The following EFNA5 variants were observed in gnomAD, a reference collection of about 807,000 sequenced individuals.
EFNA5 encodes the protein ephrin A5.
In EFNA5, 5 loss-of-function variants were observed where a neutral mutation model predicts 22.9. The ratio of observed to expected loss-of-function variants is 0.22; its 90% CI spans 0.11 to 0.46. The LOEUF (loss-of-function observed/expected upper bound fraction) is 0.46. Among genes scored for constraint, EFNA5 ranks in the 20% least tolerant of loss-of-function variants. The pLI, the probability that EFNA5 is intolerant of heterozygous loss-of-function variation, is 0.99. For synonymous variants in EFNA5, 113 were observed against 112.2 expected (o/e 1.01, Z -0.04); for missense variants, 237 against 293.3 (o/e 0.81, Z 1.40).
At chr5:107,631,387 T>C (rs1444432130) in intron 1 of EFNA5, among the ~76,000 whole-genome samples, 3 of 151,962 alleles carry the variant, frequency 2.0e-5, no homozygotes, top group Admixed American at 1.3e-4. Flanking sequence ...CATATATATA[T>C]ATATACATGT....
intron 1 of EFNA5, among the ~76,000 whole-genome samples, chr5:107,445,795 C>T (rs1192314189): frequency 6.6e-6 from 1 of 152,192 alleles, no homozygotes; most frequent in African/African-American, 2.4e-5. Context: ...AAAATTTCAC[C>T]TCTAATCCTT....
chr5:107,388,134 C>T (rs1330700216), intron 2 of EFNA5, among the ~76,000 whole-genome samples: 4 of 152,098 alleles, frequency 2.6e-5, no homozygotes, highest in Admixed American at 6.5e-5. Flanking sequence ...TTCACAGAGC[C>T]GCTCCTCCTC....
chr5:107,407,142 C>T (rs945705628), intron 2 of EFNA5, among the ~76,000 whole-genome samples: 5 of 152,116 alleles, frequency 3.3e-5, no homozygotes, highest in Non-Finnish European at 5.9e-5. Context: ...TCAAAGCATT[C>T]CTGCAAAGGG....
chr5:107,511,004 G>C (rs1314420282), intron 1 of EFNA5, among the ~76,000 whole-genome samples: 1 of 130,644 alleles, frequency 7.7e-6, no homozygotes, highest in Non-Finnish European at 1.6e-5. Context: ...CTTTTTCTTT[G>C]TGTGTGTGTG....
intron 1 of EFNA5, among the ~76,000 whole-genome samples, chr5:107,609,230 T>C (rs1749779097): frequency 1.3e-5 from 2 of 152,258 alleles, no homozygotes; most frequent in African/African-American, 2.4e-5. Context: ...GTTGTTATCA[T>C]GTATGGTTGG....
At position 107,510,248 on chromosome 5, in the gene EFNA5, G is replaced by A. The variant is rs375750156; in HGVS notation, c.126-82739C>T. On this transcript the variant is annotated intron_variant, in intron 1 of 4. Transcript: ENST00000333274. ...AGCATGCTAAAAGACACTCCCACCA[G>A]TGCCATGACAGTTACAAATGCCATG... Among the ~76,000 whole-genome samples the A allele has an allele frequency of 2.0e-5, 3 of 152,154 alleles. No homozygotes were observed. In the East Asian group the frequency reaches 5.8e-4, roughly 29 times the overall value.
chr5:107,552,426 T>A (rs1270579573), intron 1 of EFNA5, among the ~76,000 whole-genome samples: 1 of 152,124 alleles, frequency 6.6e-6, no homozygotes. Flanking sequence ...CATCCTCATT[T>A]AATAGGTGAG....
chr5:107,563,609 A>AT (rs1482895316), intron 1 of EFNA5, among the ~76,000 whole-genome samples: 1 of 151,728 alleles, frequency 6.6e-6, no homozygotes, highest in Non-Finnish European at 1.5e-5. Context: ...GCTAATTTTC[A>AT]TTTTTTGTAG....
At chr5:107,386,705 T>C (rs991793071) in intron 4 of EFNA5, among the ~76,000 whole-genome samples, 3 of 152,144 alleles carry the variant, frequency 2.0e-5, no homozygotes, top group Non-Finnish European at 2.9e-5. Context: ...CTATTGACAA[T>C]AGCAAAAATA....
At chr5:107,469,695 C>A (rs1750087867) in intron 1 of EFNA5, among the ~76,000 whole-genome samples, 1 of 151,970 alleles carries the variant, frequency 6.6e-6, no homozygotes, top group East Asian at 1.9e-4. Context: ...GAGCTGTTTC[C>A]ACATCACAAG....
chr5:107,611,763 G>A (rs1333121197), intron 1 of EFNA5, among the ~76,000 whole-genome samples: 2 of 152,190 alleles, frequency 1.3e-5, no homozygotes, highest in African/African-American at 4.8e-5. Context: ...AGCAGGCCAG[G>A]GCTCGGATGG....
At chr5:107,478,647 G>A (rs1038893907) in intron 1 of EFNA5, among the ~76,000 whole-genome samples, 23 of 152,248 alleles carry the variant, frequency 1.5e-4, no homozygotes, top group African/African-American at 3.9e-4. Flanking sequence ...TAAAAAGTAC[G>A]GAGAAGTAGC....
At chr5:107,450,786 C>A (rs148359098) in intron 1 of EFNA5, among the ~76,000 whole-genome samples, 37 of 152,318 alleles carry the variant, frequency 2.4e-4, no homozygotes, top group African/African-American at 8.4e-4. Context: ...AGAAACCACT[C>A]AAACCAATGA....
intron 1 of EFNA5, among the ~76,000 whole-genome samples, chr5:107,613,960 A>G (rs1476232501): frequency 1.3e-5 from 2 of 152,168 alleles, no homozygotes; most frequent in Non-Finnish European, 2.9e-5. Flanking sequence ...TTAAACTGAC[A>G]TGAAAATCAG....
chr5:107,503,671 G>A (rs770758517), intron 1 of EFNA5, among the ~76,000 whole-genome samples: 4 of 152,084 alleles, frequency 2.6e-5, no homozygotes, highest in African/African-American at 9.7e-5. Context: ...ATATGTAAAA[G>A]CACTTAAATT....
intron 1 of EFNA5, among the ~76,000 whole-genome samples, chr5:107,640,991 G>GATAC (rs2112544142): frequency 1.5e-5 from 2 of 135,534 alleles, no homozygotes; most frequent in South Asian, 4.6e-4. Context: ...TAGATAGATA[G>GATAC]ATAGATAGAT....
chr5:107,591,983 A>T lies in EFNA5; in HGVS notation c.125+78506T>A, dbSNP rs13155962. Among the ~76,000 whole-genome samples the T allele has an allele frequency of 4.4e-3, 108 of 24,728 alleles. 2 individuals are homozygous for T. The highest frequency in any genetic ancestry group is 6.9e-3 in the African/African-American group (27 of 3,930). The allele number at this position is 24,728 out of a possible 152,430, so 16.2% of individuals were successfully genotyped here. A position where few individuals can be genotyped will look rare whatever the true frequency, so the allele number is the denominator to read the frequency against. On this transcript the variant is annotated intron_variant, in intron 1 of 4. Coordinates refer to ENST00000333274, the MANE Select transcript of EFNA5 (RefSeq NM_001962.3). ...AATATATATAATATATATAATATAT[A>T]ATATATAATATATATAATATATAAT... is the stretch of plus-strand genomic sequence containing the variant.
intron 1 of EFNA5, among the ~76,000 whole-genome samples, chr5:107,524,451 A>C (rs1747655675): frequency 6.6e-6 from 1 of 152,230 alleles, no homozygotes; most frequent in Non-Finnish European, 1.5e-5. Context: ...AAAATGCAAC[A>C]ACAGCTTCAG....
Position 107,559,265 on chromosome 5 carries a change from A to C in EFNA5, c.125+111224T>G, listed in dbSNP as rs115722342. 8.4e-3 allele frequency among the ~76,000 whole-genome samples: 1,284 copies of C among 152,256 alleles called. 15 individuals are homozygous for C. Among genetic ancestry groups the C allele is most frequent in the African/African-American group, 0.029 (1,201 of 41,536 alleles). On this transcript the variant is annotated intron_variant, in intron 1 of 4. Coordinates refer to ENST00000333274, the MANE Select transcript of EFNA5 (RefSeq NM_001962.3). ...GCCTCCAAAACCCTTCTTCATGGTAACTTCTGCTGTCTGGGGCTTTATTTT... is the reference window on the plus strand; with the variant it reads ...GCCTCCAAAACCCTTCTTCATGGTACCTTCTGCTGTCTGGGGCTTTATTTT...
Sources: gnomAD v4.1 joint callset for allele counts (sites outside exome capture counted in the v4.1 genomes callset) on GRCh38, gnomAD v4.1.1 for gene constraint, MANE v1.5 for transcripts, NCBI Gene and HGNC (gene_info 2026-07-23, HGNC 2026-07-21) for gene names.